The following WFDC8 variants were observed in gnomAD, a reference collection of about 807,000 sequenced individuals.
WFDC8 encodes the protein WAP four-disulfide core domain protein 8.
Under a neutral mutation model 27.0 loss-of-function variants are expected in WFDC8, and 24 were observed. That is an observed-to-expected ratio of 0.89 (90% CI 0.64 to 1.25). The LOEUF is 1.25. Ranked by LOEUF, WFDC8 falls within the 50% of genes most tolerant of loss-of-function variation. The probability of loss-of-function intolerance (pLI) is 0.00; values close to 1 mark genes in which losing one functional copy is unlikely to be tolerated. For synonymous variants in WFDC8, 106 were observed against 99.7 expected (o/e 1.06, Z -0.38); for missense variants, 287 against 295.9 (o/e 0.97, Z 0.22).
chr20:45,553,004 G>A, intron 5 of WFDC8, 132 bp downstream of exon 5: 3 of 1,107,008 alleles, frequency 2.7e-6, no homozygotes, highest in Non-Finnish European at 3.9e-6. Flanking sequence ...GGCATTAAAA[G>A]GGGTTCCCAA....
Position 45,555,807 on chromosome 20 carries a change from A to C in WFDC8, c.339T>G (p.Phe113Leu), listed in dbSNP as rs754386150. ...NCNHEAQRWHFDFKNYRCTPF... is the reference protein window; with the variant it reads ...NCNHEAQRWHLDFKNYRCTPF... ...GTGTGCAGCGGTAATTTTTAAAGTC[A>C]AAATGCCAGCGCTGTGCCTCATGAT... The change falls in exon 4 of 6, where the codon TTT becomes TTG. Residue 113 changes from phenylalanine to leucine, a missense_variant. Physicochemically the swap from Phe to Leu is conservative, Grantham distance 22. Transcript: ENST00000289953. 6 of 1,614,022 alleles carry C rather than the reference A, an allele frequency of 3.7e-6. No homozygotes were observed. The South Asian group carries it at 6.6e-5, about 18-fold the overall frequency.
At chr20:45,560,402 A>G (rs1307527939) in intron 2 of WFDC8, among the ~76,000 whole-genome samples, 1 of 152,210 alleles carries the variant, frequency 6.6e-6, no homozygotes, top group Non-Finnish European at 1.5e-5. Flanking sequence ...GGAGCAAAGA[A>G]CCCAGATGCA....
In WFDC8 at chr20:45,562,219, C is replaced by A. The variant is rs749457549; in HGVS notation, c.27G>T (p.Gly9=). The stretch of plus-strand genomic sequence containing the variant: ...AGGTGGGGCTATGGAGAGGAAAGTG[C>A]CTGTATGGATGAGAAGAGAGGTGGG... MWTVRTEG[G]HFPLHSPTFS... Residue 9 remains glycine (G), a splice_region_variant and synonymous_variant, in exon 2 of 6, where the codon GGG becomes GGT. Coordinates refer to ENST00000289953, the MANE Select transcript of WFDC8 (RefSeq NM_130896.3). 1 of 1,613,052 alleles carries A rather than the reference C, an allele frequency of 6.2e-7. No homozygotes were observed. Among genetic ancestry groups the A allele is most frequent in the Non-Finnish European group, 8.5e-7 (1 of 1,179,142 alleles).
chr20:45,558,863 T>C lies in WFDC8; in HGVS notation c.266A>G (p.Asp89Gly). The C allele has an allele frequency of 6.2e-6, 10 of 1,614,116 alleles. No individual in the cohort carries two copies. Among genetic ancestry groups the C allele is most frequent in the Non-Finnish European group, 7.6e-6 (9 of 1,180,004 alleles). Reference sequence around the variant, plus strand: ...CTGGACATCGCTACCTTGAAAGGGATCCATGCACTTCTTCTGACAGGCAAA... The same window carrying C: ...CTGGACATCGCTACCTTGAAAGGGACCCATGCACTTCTTCTGACAGGCAAA... ...CFFACQKKCM[D>G]PFQEPCMLPV... is the part of the protein sequence containing the mutation. The change falls in exon 3 of 6, where the codon GAT (aspartate) becomes GGT (glycine). Residue 89 changes from aspartate to glycine, a missense_variant. Asp to Gly is a moderately conservative substitution (Grantham distance 94, BLOSUM62 -1). Transcript: ENST00000289953.
At position 45,559,593 on chromosome 20, in the gene WFDC8, T is replaced by C. The variant is rs185461349; in HGVS notation, c.137-601A>G. 2.0e-5 allele frequency among the ~76,000 whole-genome samples: 3 copies of C among 152,378 alleles called. No individual in the cohort carries two copies. The East Asian group carries it at 5.8e-4, about 29-fold the overall frequency. On this transcript the variant is annotated intron_variant, in intron 2 of 5. Transcript: ENST00000289953. Reference sequence around the variant, plus strand: ...CTTCATCTGAGTTATATTTTCCATCTTTAAAATGAGAATGACAATTCCTGC... The same window carrying C: ...CTTCATCTGAGTTATATTTTCCATCCTTAAAATGAGAATGACAATTCCTGC...
chr20:45,570,169 G>A (rs186473513), intron 1 of WFDC8, among the ~76,000 whole-genome samples: 8 of 151,962 alleles, frequency 5.3e-5, no homozygotes, highest in East Asian at 1.9e-4. Context: ...GTCTGCACAC[G>A]TACCCATGAA....
Position 45,555,690 on chromosome 20 carries a change from A to T in WFDC8, c.445+11T>A. 2 of 1,612,106 alleles carry T rather than the reference A, an allele frequency of 1.2e-6. No individual in the cohort carries two copies. Among genetic ancestry groups the T allele is most frequent in the Non-Finnish European group, 1.7e-6 (2 of 1,179,836 alleles). Reference sequence around the variant, plus strand: ...AACTAGACCCTCAGATTTCCAGGATAGAGGTCTCACCAATTAACATGCAGG... The same window carrying T: ...AACTAGACCCTCAGATTTCCAGGATTGAGGTCTCACCAATTAACATGCAGG... On this transcript the variant is annotated intron_variant, in intron 4 of 5. Transcript: ENST00000289953.
Position 45,562,147 on chromosome 20 carries a change from CA to C in WFDC8, c.98del (p.Leu33TrpfsTer8). On this transcript the variant is annotated frameshift_variant, in exon 2 of 6. Coordinates refer to ENST00000289953, the MANE Select transcript of WFDC8 (RefSeq NM_130896.3). LOFTEE classifies it high-confidence loss of function. The part of the protein sequence containing the change: ...VAFLLLLSLA[L>X]EWTSAMLTKK... The stretch of plus-strand genomic sequence containing the variant: ...TGGTCAGCATTGCAGAAGTCCACTC[CA>C]AAGCAAGGGAGAGAAGCAGCAGGAA... 1 of 1,614,078 alleles carries C rather than the reference CA, an allele frequency of 6.2e-7. No individual in the cohort carries two copies. Among genetic ancestry groups the C allele is most frequent in the South Asian group, 1.1e-5 (1 of 91,078 alleles).
At chr20:45,554,955 A>G (rs553677556) in intron 4 of WFDC8, among the ~76,000 whole-genome samples, 2 of 152,354 alleles carry the variant, frequency 1.3e-5, no homozygotes, top group South Asian at 2.1e-4. Flanking sequence ...TAAATCACAC[A>G]GTTGTGAAGA....
chr20:45,561,011 T>A (rs1980446843), intron 2 of WFDC8, among the ~76,000 whole-genome samples: 1 of 152,178 alleles, frequency 6.6e-6, no homozygotes, highest in Admixed American at 6.5e-5. Flanking sequence ...TTGTTCTAGG[T>A]TTAGGCAGAG....
chr20:45,564,831 G>C (rs1214793587), intron 1 of WFDC8, among the ~76,000 whole-genome samples: 4 of 151,016 alleles, frequency 2.6e-5, no homozygotes, highest in Non-Finnish European at 5.9e-5. Context: ...GACAGAGTGA[G>C]ACCCTGTGGA....
intron 1 of WFDC8, among the ~76,000 whole-genome samples, chr20:45,565,770 T>G (rs1404613799): frequency 6.6e-6 from 1 of 152,198 alleles, no homozygotes; most frequent in Non-Finnish European, 1.5e-5. Flanking sequence ...GTGTGATAGT[T>G]GCCACGGGGA....
At chr20:45,577,687 C>T (rs1032410275) in intron 1 of WFDC8, among the ~76,000 whole-genome samples, 8 of 148,076 alleles carry the variant, frequency 5.4e-5, no homozygotes, top group African/African-American at 1.7e-4. Flanking sequence ...CATGAGCCAC[C>T]GCGCCTGGCC....
chr20:45,575,294 C>T (rs1489162083), intron 1 of WFDC8, among the ~76,000 whole-genome samples: 1 of 152,172 alleles, frequency 6.6e-6, no homozygotes, highest in Non-Finnish European at 1.5e-5. Context: ...ACCAAAAAAA[C>T]TGTTAGAACT....
At chr20:45,569,663 TAAA>T (rs1980801966) in intron 1 of WFDC8, among the ~76,000 whole-genome samples, 1 of 152,206 alleles carries the variant, frequency 6.6e-6, no homozygotes, top group Admixed American at 6.5e-5. Context: ...TTAATTTTTG[TAAA>T]TTGTGCAAGG....
chr20:45,577,249 C>G lies in WFDC8; in HGVS notation c.26+1973G>C, dbSNP rs1981075929. Reference sequence around the variant, plus strand: ...TGTTTAAAATGGCTGCCAAGAATTACTAAAGTGCTGTCAAGTGTCCTAAGA... The same window carrying G: ...TGTTTAAAATGGCTGCCAAGAATTAGTAAAGTGCTGTCAAGTGTCCTAAGA... On this transcript the variant is annotated intron_variant, in intron 1 of 5. Coordinates refer to ENST00000289953, the MANE Select transcript of WFDC8 (RefSeq NM_130896.3). Among the ~76,000 whole-genome samples, 2 of 151,296 alleles carry G rather than the reference C, an allele frequency of 1.3e-5. 1 individual carries two copies. Among genetic ancestry groups the G allele is most frequent in the South Asian group, 4.2e-4 (2 of 4,768 alleles).
rs377277995 is a variant in WFDC8, at chr20:45,559,036, A to G, written c.137-44T>C. 6.2e-6 allele frequency: 10 copies of G among 1,609,622 alleles called. No homozygotes were observed. The Admixed American group carries it at 8.4e-5, about 13-fold the overall frequency. ...CAAACTCACATTCTTTCGGAATTTC[A>G]GCTCTTTTTCTCCTATGGCAAAGGT... On this transcript the variant is annotated intron_variant, in intron 2 of 5. Transcript: ENST00000289953.
intron 1 of WFDC8, among the ~76,000 whole-genome samples, chr20:45,573,898 C>T (rs991184412): frequency 2.0e-5 from 3 of 152,050 alleles, no homozygotes; most frequent in African/African-American, 7.2e-5. Context: ...TATGACAGTA[C>T]CATGCTGTTT....
chr20:45,575,414 T>A lies in WFDC8; in HGVS notation c.26+3808A>T, dbSNP rs959934284. Among the ~76,000 whole-genome samples, 18 of 151,890 alleles carry A rather than the reference T, an allele frequency of 1.2e-4. 1 individual carries two copies. Among genetic ancestry groups the A allele is most frequent in the African/African-American group, 4.1e-4 (17 of 41,394 alleles). On this transcript the variant is annotated intron_variant, in intron 1 of 5. Coordinates refer to ENST00000289953, the MANE Select transcript of WFDC8 (RefSeq NM_130896.3). ...TGAAAAACAAATTAAAACAATCCCA[T>A]TTACAATAGCATAAAAAATACTTAG...
Sources: gnomAD v4.1 joint callset for allele counts (sites outside exome capture counted in the v4.1 genomes callset) on GRCh38, gnomAD v4.1.1 for gene constraint, MANE v1.5 for transcripts, NCBI Gene and HGNC (gene_info 2026-07-23, HGNC 2026-07-21) for gene names.